TIMM22: variants seen among roughly 807,000 people sequenced by gnomAD.
TIMM22 encodes the protein translocase of inner mitochondrial membrane 22.
A neutral mutation model predicts 18.3 loss-of-function variants in TIMM22; 12 were observed. That is an observed-to-expected ratio of 0.65 (90% confidence interval 0.42 to 1.06). The LOEUF is 1.06. TIMM22 is among the 50% of genes least tolerant of loss of function. The pLI, the probability that TIMM22 is intolerant of heterozygous loss-of-function variation, is 0.00. For missense variants in TIMM22, 278 were observed against 252.8 expected (o/e 1.10, Z -0.68); for synonymous variants, 107 against 98.5 (o/e 1.09, Z -0.51).
At chr17:999,949 G>A (rs1156257444) in intron 3 of TIMM22, among the ~76,000 whole-genome samples, 3 of 152,010 alleles carry the variant, frequency 2.0e-5, no homozygotes, top group Non-Finnish European at 4.4e-5. Context: ...GCCCAGGCTG[G>A]AGTGCAGTGG....
rs2069770182 is a variant in TIMM22 at position 1,002,390 on chromosome 17, G to C, written c.*1302G>C. The stretch of plus-strand genomic sequence containing the variant: ...TCCTTTTTTGCCTTCTTCCTCATCT[G>C]CCCTGTCTTCTGGCCCACACACTCT... On this transcript the variant is annotated 3_prime_UTR_variant, in exon 4 of 4. Transcript: ENST00000327158. The C allele has an allele frequency of 6.6e-6, 1 of 152,256 alleles. No individual in the cohort carries two copies. The highest frequency in any genetic ancestry group is 2.4e-5 in the African/African-American group (1 of 41,424). 9.4% of individuals were successfully genotyped at this position (152,256 alleles called of 1,614,324 possible).
Position 999,527 on chromosome 17 carries a change from G to C in TIMM22, c.451G>C (p.Asp151His), listed in dbSNP as rs772351983. 1 of 1,613,562 alleles carries C rather than the reference G, an allele frequency of 6.2e-7. No individual in the cohort carries two copies. Among genetic ancestry groups the C allele is most frequent in the African/African-American group, 1.3e-5 (1 of 74,804 alleles). The change falls in exon 3 of 4, where the codon GAC becomes CAC. Residue 151 changes from aspartate to histidine, a missense_variant. By Grantham distance (81) the Asp-to-His change is moderately conservative (BLOSUM62 -1). Coordinates refer to ENST00000327158, the MANE Select transcript of TIMM22 (RefSeq NM_013337.4). ...CLIESYRGTS[D>H]WKNSVISGCI... ...CTGCCCACAGTACCGGGGAACATCA[G>C]ACTGGAAGAACAGTGTCATCAGTGG...
intron 3 of TIMM22, 24 bp from the exon 4 acceptor site, chr17:1,000,988 A>T: frequency 6.2e-7 from 1 of 1,613,706 alleles, no homozygotes; most frequent in Non-Finnish European, 8.5e-7. Flanking sequence ...ACCACAGGTC[A>T]TGTTCTTTCT....
chr17:1,001,498 C>A lies in TIMM22; in HGVS notation c.*410C>A, dbSNP rs765748037. On this transcript the variant is annotated 3_prime_UTR_variant, in exon 4 of 4. Transcript: ENST00000327158. ...TACCTTGGAACTCCATGCAACTATC[C>A]GTCTCGAATACCAGGGCAGGGCAAG... 4.5e-5 allele frequency: 8 copies of A among 179,616 alleles called. No individual in the cohort carries two copies. Among genetic ancestry groups the A allele is most frequent in the African/African-American group, 9.5e-5 (4 of 41,984 alleles). 11.1% of individuals were successfully genotyped at this position (179,616 alleles called of 1,614,324 possible).
Position 1,003,577 on chromosome 17 carries a change from G to C in TIMM22, c.*2489G>C, listed in dbSNP as rs1401469427. ...TTTATTAACATTTTCCTCTCACGTG[G>C]TTTACATCAATTTATAATAATCTAC... On this transcript the variant is annotated 3_prime_UTR_variant, in exon 4 of 4. Coordinates refer to ENST00000327158, the MANE Select transcript of TIMM22 (RefSeq NM_013337.4). 1 of 152,488 alleles carries C rather than the reference G, an allele frequency of 6.6e-6. No individual in the cohort carries two copies. The highest frequency in any genetic ancestry group is 1.5e-5 in the Non-Finnish European group (1 of 68,028). 9.4% of individuals were successfully genotyped at this position (152,488 alleles called of 1,614,324 possible). A position where few individuals can be genotyped will look rare whatever the true frequency, so the allele number is the denominator to read the frequency against.
chr17:997,649 TA>T (rs2069697313), intron 1 of TIMM22, among the ~76,000 whole-genome samples: 1 of 152,150 alleles, frequency 6.6e-6, no homozygotes, highest in African/African-American at 2.4e-5. Context: ...CCGTCTCTAC[TA>T]AAAATACAAA....
In TIMM22 at chr17:1,001,042, G is replaced by T; in HGVS notation, c.539G>T (p.Gly180Val). The change falls in exon 4 of 4, where the codon GGA becomes GTA. Residue 180 changes from glycine to valine, a missense_variant. Coordinates refer to ENST00000327158, the MANE Select transcript of TIMM22 (RefSeq NM_013337.4). ...AGLKAGAIGC[G>V]GFAAFSAAID... ...TTAAAGGCTGGGGCCATTGGTTGTGGAGGTTTTGCTGCTTTCTCTGCTGCG... is the reference window on the plus strand; with the variant it reads ...TTAAAGGCTGGGGCCATTGGTTGTGTAGGTTTTGCTGCTTTCTCTGCTGCG... 1.2e-6 allele frequency: 2 copies of T among 1,614,096 alleles called. No individual in the cohort carries two copies. Among genetic ancestry groups the T allele is most frequent in the Non-Finnish European group, 1.7e-6 (2 of 1,180,004 alleles).
intron 1 of TIMM22, among the ~76,000 whole-genome samples, chr17:998,040 C>G (rs1482233254): frequency 6.6e-6 from 1 of 152,216 alleles, no homozygotes; most frequent in African/African-American, 2.4e-5. Flanking sequence ...AATGCACATG[C>G]AGACGACTCT....
chr17:1,000,940 C>CCAA, intron 3 of TIMM22, 72 bp from the exon 4 acceptor site: 2 of 1,534,576 alleles, frequency 1.3e-6, no homozygotes. Context: ...TGAGGGTGTG[C>CCAA]CAACTTTCCG....
rs1480888887 is a variant in TIMM22, at chr17:997,393, G to A, written c.238+13G>A. 1 of 1,609,988 alleles carries A rather than the reference G, an allele frequency of 6.2e-7. No homozygotes were observed. The highest frequency in any genetic ancestry group is 1.7e-5 in the Admixed American group (1 of 59,548). On this transcript the variant is annotated intron_variant, in intron 1 of 3. Coordinates refer to ENST00000327158, the MANE Select transcript of TIMM22 (RefSeq NM_013337.4). The stretch of plus-strand genomic sequence containing the variant: ...GCCTGCGTGGGAGGTGAGGCCGGGC[G>A]ATGGGACCCTTGGGAGGCTGAGGGC...
At chr17:997,646 T>C (rs1048176540) in intron 1 of TIMM22, among the ~76,000 whole-genome samples, 1 of 152,166 alleles carries the variant, frequency 6.6e-6, no homozygotes, top group Non-Finnish European at 1.5e-5. Context: ...ACCCCGTCTC[T>C]ACTAAAAATA....
chr17:1,001,124 C>T lies in TIMM22; in HGVS notation c.*36C>T, dbSNP rs551172891. 525 of 1,608,100 alleles carry T rather than the reference C, an allele frequency of 3.3e-4. 5 individuals carry two copies. In the South Asian group the frequency reaches 5.0e-3, roughly 15 times the overall value. On this transcript the variant is annotated 3_prime_UTR_variant, in exon 4 of 4. Coordinates refer to ENST00000327158, the MANE Select transcript of TIMM22 (RefSeq NM_013337.4). ...CTGCAGGGAAGGATGATGCCAGCCC[C>T]GGATCCGGGCTGCTCTCTGGAGGAC...
At chr17:999,358 T>TATATATATATACATATATAC (rs1408779709) in intron 2 of TIMM22, among the ~76,000 whole-genome samples, 154 bp from the exon 3 acceptor site, 235 of 132,442 alleles carry the variant, frequency 1.8e-3, no homozygotes, top group African/African-American at 7.0e-3. Flanking sequence ...TATATATATA[T>TATATATATATACATATATAC]ACACGCTGTA....
chr17:1,001,123 C>T lies in TIMM22; in HGVS notation c.*35C>T, dbSNP rs780919473. 6.2e-7 allele frequency: 1 copy of T among 1,609,864 alleles called. No homozygotes were observed. The highest frequency in any genetic ancestry group is 8.5e-7 in the Non-Finnish European group (1 of 1,177,402). ...CCTGCAGGGAAGGATGATGCCAGCC[C>T]CGGATCCGGGCTGCTCTCTGGAGGA... On this transcript the variant is annotated 3_prime_UTR_variant, in exon 4 of 4. Coordinates refer to ENST00000327158, the MANE Select transcript of TIMM22 (RefSeq NM_013337.4).
rs532049517 is a variant in TIMM22 at position 997,294 on chromosome 17, C to T, written c.152C>T (p.Pro51Leu). The change falls in exon 1 of 4, where the codon CCA becomes CTA. Residue 51 changes from proline (P) to leucine (L), a missense_variant. By Grantham distance (98) the Pro-to-Leu change is moderately conservative. Transcript: ENST00000327158. ...LLEPGSLGGI[P>L]SPAKSEEQKM... ...GAGCCTGGGAGCCTGGGCGGGATCC[C>T]AAGTCCAGCCAAGAGTGAGGAGCAG... 2.7e-5 allele frequency: 43 copies of T among 1,613,648 alleles called. No individual in the cohort carries two copies. The highest frequency in any genetic ancestry group is 3.6e-5 in the Non-Finnish European group (42 of 1,179,978).
At position 997,192 on chromosome 17, in the gene TIMM22, G is replaced by T. The variant is rs776903211; in HGVS notation, c.50G>T (p.Gly17Val). ...GGAGGCTCGGCCCCTGAGACAGCGG[G>T]TTCCGCCGAAGCTCCGCTGCAGTAC... ...NAGGSAPETA[G>V]SAEAPLQYSL... Residue 17 changes from glycine to valine, a missense_variant, in exon 1 of 4, where the codon GGT (glycine) becomes GTT (valine). Gly to Val is a moderately radical substitution (Grantham distance 109). Transcript: ENST00000327158. The T allele has an allele frequency of 6.2e-7, 1 of 1,612,290 alleles. No homozygotes were observed. Among genetic ancestry groups the T allele is most frequent in the Non-Finnish European group, 8.5e-7 (1 of 1,179,786 alleles).
intron 1 of TIMM22, 36 bp downstream of exon 1, chr17:997,416 G>T (rs773776362): frequency 9.4e-6 from 15 of 1,592,198 alleles, no homozygotes; most frequent in African/African-American, 1.3e-5. Flanking sequence ...GGAGGCTGAG[G>T]GCCTGGACGG....
At chr17:997,450 A>G in intron 1 of TIMM22, 70 bp downstream of exon 1, 1 of 1,473,900 alleles carries the variant, frequency 6.8e-7, no homozygotes. Flanking sequence ...TGCCGAGAAG[A>G]CCACGCGCCT....
In TIMM22 at chr17:998,801, T is replaced by TG; in HGVS notation, c.265dup (p.Val89GlyfsTer13). 1 of 1,613,816 alleles carries TG rather than the reference T, an allele frequency of 6.2e-7. No homozygotes were observed. Among genetic ancestry groups the TG allele is most frequent in the Non-Finnish European group, 8.5e-7 (1 of 1,179,826 alleles). On this transcript the variant is annotated frameshift_variant, in exon 2 of 4. Transcript: ENST00000327158. LOFTEE classifies it high-confidence loss of function. ...TAGGATTTGTCTTAGGAGGTGCATT[T>TG]GGGGTGTTTACCGCTGGCATCGATA...
Sources: gnomAD v4.1 joint callset for allele counts (sites outside exome capture counted in the v4.1 genomes callset) on GRCh38, gnomAD v4.1.1 for gene constraint, MANE v1.5 for transcripts, NCBI Gene and HGNC (gene_info 2026-07-23, HGNC 2026-07-21) for gene names.